DACH2: variants seen among roughly 807,000 people sequenced by gnomAD.
DACH2 encodes the protein dachshund family transcription factor 2, also known as dachshund homolog 2.
A neutral mutation model predicts 35.8 loss-of-function variants in DACH2; 17 were observed. The observed-to-expected ratio is 0.48, with a 90% CI of 0.33 to 0.71. The LOEUF is 0.71. Among genes scored for constraint, DACH2 ranks in the 30% least tolerant of loss-of-function variants. The pLI is 0.02. For synonymous variants in DACH2, 195 were observed against 177.3 expected, an observed-to-expected ratio of 1.10 and a Z score of -0.79; for missense variants, 469 against 472.7, an observed-to-expected ratio of 0.99 and a Z score of 0.07.
Position 86,813,137 on chromosome X carries a change from T to C in DACH2, c.1397T>C (p.Leu466Pro). Residue 466 changes from leucine to proline, a missense_variant, in exon 9 of 12, where the codon CTG becomes CCG. Leu to Pro is a moderately conservative substitution (Grantham distance 98). Coordinates refer to ENST00000373125, the MANE Select transcript of DACH2 (RefSeq NM_053281.3). ...TTTCCTGTACCTTGACAGGGTCTGC[T>C]GAAAGTTGCTTTGGATAATGCTCGC... Reference protein sequence around the residue: ...ETLLTNIQGLLKVALDNARIQ... With the variant: ...ETLLTNIQGLPKVALDNARIQ... 1 of 1,207,344 alleles carries C rather than the reference T, an allele frequency of 8.3e-7. No homozygotes were observed. The highest frequency in any genetic ancestry group is 1.8e-5 in the South Asian group (1 of 55,728).
chrX:86,370,782 A>G (rs971120601), intron 1 of DACH2, among the ~76,000 whole-genome samples: 35 of 111,756 alleles, frequency 3.1e-4, no homozygotes, highest in Non-Finnish European at 5.3e-4. Flanking sequence ...TATGTGACTG[A>G]TATTTACTGA....
At chrX:86,491,222 C>T (rs887804155) in intron 2 of DACH2, among the ~76,000 whole-genome samples, 9 of 111,777 alleles carry the variant, frequency 8.1e-5, no homozygotes, top group Non-Finnish European at 1.1e-4. Flanking sequence ...GTACACAATG[C>T]TTTTACGCCA....
At chrX:86,606,317 T>C (rs546154737) in intron 3 of DACH2, among the ~76,000 whole-genome samples, 4 of 110,023 alleles carry the variant, frequency 3.6e-5, no homozygotes, top group African/African-American at 1.3e-4. Flanking sequence ...TTGATGTAAG[T>C]ACTTATAGCT....
intron 3 of DACH2, among the ~76,000 whole-genome samples, chrX:86,518,091 G>A (rs189665512): frequency 1.8e-5 from 2 of 112,051 alleles, no homozygotes; most frequent in Admixed American, 1.9e-4. Context: ...TAAGGAAGGG[G>A]TCCAGTTTGT....
In DACH2 at chrX:86,584,213, T is replaced by A. The variant is rs748926960; in HGVS notation, c.641-66823T>A. Reference sequence around the variant, plus strand: ...CTATATCAGTTTGGGTGACTTCTGGTGGTTTGCAGTTTTTAAGGAATTGTT... The same window carrying A: ...CTATATCAGTTTGGGTGACTTCTGGAGGTTTGCAGTTTTTAAGGAATTGTT... On this transcript the variant is annotated intron_variant, in intron 3 of 11. Coordinates refer to ENST00000373125, the MANE Select transcript of DACH2 (RefSeq NM_053281.3). Among the ~76,000 whole-genome samples the A allele has an allele frequency of 6.3e-5, 7 of 111,255 alleles. No individual in the cohort carries two copies. In the East Asian group the frequency reaches 2.0e-3, roughly 31 times the overall value.
rs2036357745 is a variant in DACH2, at chrX:86,398,839, T to C, written c.527+21977T>C. 2.7e-5 allele frequency among the ~76,000 whole-genome samples: 3 copies of C among 111,792 alleles called. No individual in the cohort carries two copies. In the South Asian group the frequency reaches 1.1e-3, roughly 41 times the overall value. On this transcript the variant is annotated intron_variant, in intron 2 of 11. Coordinates refer to ENST00000373125, the MANE Select transcript of DACH2 (RefSeq NM_053281.3). ...GTGGTCAATTTTGGAATAGGTGTGG[T>C]GCTGAAAAGAATGTATATTCTGTTG...
intron 5 of DACH2, among the ~76,000 whole-genome samples, chrX:86,704,028 G>A (rs775941546): frequency 1.8e-5 from 2 of 112,277 alleles, no homozygotes; most frequent in South Asian, 3.7e-4. Flanking sequence ...CAAAGCTGGA[G>A]AGCCATCACA....
At chrX:86,758,355 T>C (rs2041848497) in intron 7 of DACH2, among the ~76,000 whole-genome samples, 1 of 111,844 alleles carries the variant, frequency 8.9e-6, no homozygotes, top group Non-Finnish European at 1.9e-5. Context: ...TGGATAAATA[T>C]GTTTATTGCT....
chrX:86,612,276 C>T (rs1430830752), intron 3 of DACH2, among the ~76,000 whole-genome samples: 2 of 107,012 alleles, frequency 1.9e-5, no homozygotes, highest in African/African-American at 6.8e-5. Context: ...TCTCTTCAAG[C>T]AGAAGGATGG....
chrX:86,195,801 G>A (rs980746848), intron 1 of DACH2, among the ~76,000 whole-genome samples: 1 of 111,526 alleles, frequency 9.0e-6, no homozygotes, highest in Non-Finnish European at 1.9e-5. Flanking sequence ...CTGCATTAGA[G>A]CACCCAGTCC....
intron 3 of DACH2, among the ~76,000 whole-genome samples, chrX:86,631,785 C>T (rs1169636399): frequency 1.8e-5 from 2 of 111,284 alleles, no homozygotes; most frequent in African/African-American, 6.5e-5. Context: ...CCCAAAGTTA[C>T]CAAACTTTTT....
intron 7 of DACH2, among the ~76,000 whole-genome samples, chrX:86,756,928 TTTA>T (rs1287192350): frequency 1.1e-4 from 12 of 111,230 alleles, no homozygotes; most frequent in South Asian, 3.8e-4. Context: ...TTTAAGAGTA[TTTA>T]TTATTATTAA....
In DACH2 at chrX:86,694,726, G is replaced by T. The variant is rs776546813; in HGVS notation, c.773-295G>T. Among the ~76,000 whole-genome samples, 157 of 111,827 alleles carry T rather than the reference G, an allele frequency of 1.4e-3. 1 individual carries two copies. The highest frequency in any genetic ancestry group is 0.014 in the Middle Eastern group (3 of 217). On this transcript the variant is annotated intron_variant, in intron 4 of 11. Coordinates refer to ENST00000373125, the MANE Select transcript of DACH2 (RefSeq NM_053281.3). ...TACAAGGCAGTGGTGGTCAATTAAT[G>T]TTCCTCAACATGTAAGTGCTTCTAA...
intron 4 of DACH2, among the ~76,000 whole-genome samples, chrX:86,693,415 C>G (rs1448140503): frequency 1.8e-5 from 2 of 111,572 alleles, no homozygotes; most frequent in Non-Finnish European, 3.8e-5. Context: ...TAGTTGGAAG[C>G]TAGTCAAGAC....
chrX:86,706,855 G>A (rs759693387), intron 5 of DACH2, among the ~76,000 whole-genome samples: 49 of 110,107 alleles, frequency 4.5e-4, no homozygotes, highest in Non-Finnish European at 6.5e-4. Context: ...AGTGCTTAGA[G>A]GGAAATATAT....
At chrX:86,264,160 A>G (rs1392200748) in intron 1 of DACH2, among the ~76,000 whole-genome samples, 3 of 112,263 alleles carry the variant, frequency 2.7e-5, no homozygotes, top group Non-Finnish European at 3.8e-5. Context: ...ATTGCAAGCA[A>G]CTTGCAAAAC....
chrX:86,453,875 C>A (rs150591681), intron 2 of DACH2, among the ~76,000 whole-genome samples: 19 of 111,045 alleles, frequency 1.7e-4, no homozygotes, highest in African/African-American at 5.9e-4. Flanking sequence ...CATAGTGTCA[C>A]TTGTCTGTGT....
chrX:86,282,285 G>T (rs899368933), intron 1 of DACH2, among the ~76,000 whole-genome samples: 2 of 111,434 alleles, frequency 1.8e-5, no homozygotes, highest in African/African-American at 6.5e-5. Flanking sequence ...AAACAGCATG[G>T]TACTGGTACC....
intron 1 of DACH2, among the ~76,000 whole-genome samples, chrX:86,249,787 A>T (rs2033362804): frequency 9.0e-6 from 1 of 111,688 alleles, no homozygotes; most frequent in African/African-American, 3.2e-5. Flanking sequence ...AATAGCAAAG[A>T]CCTGGAATCA....
Sources: gnomAD v4.1 joint callset for allele counts (sites outside exome capture counted in the v4.1 genomes callset) on GRCh38, gnomAD v4.1.1 for gene constraint, MANE v1.5 for transcripts, NCBI Gene and HGNC (gene_info 2026-07-23, HGNC 2026-07-21) for gene names.